Variants in CTNNA2 observed in about 807,000 individuals in gnomAD.
CTNNA2 encodes the protein catenin alpha 2.
Under a neutral mutation model 101.0 loss-of-function variants are expected in CTNNA2, and 42 were observed. The observed-to-expected ratio is 0.42, with a 90% confidence interval of 0.32 to 0.54. CTNNA2 has a LOEUF of 0.54. Ranked by LOEUF, CTNNA2 falls within the 20% of genes least tolerant of loss-of-function variation. CTNNA2 has a pLI of 0.14. For missense variants in CTNNA2, 871 were observed against 1,223.1 expected (o/e 0.71, Z 4.29); for synonymous variants, 450 against 456.4 (o/e 0.99, Z 0.18).
At chr2:79,744,650 G>C (rs1411670471) in intron 3 of CTNNA2, 68 bp downstream of exon 3, 3 of 1,377,070 alleles carry the variant, frequency 2.2e-6, no homozygotes, top group Non-Finnish European at 2.9e-6. Context: ...TTTTTCTTTA[G>C]AATCAATGGA....
chr2:79,437,295 G>C (rs1190862836), intron 4 of CTNNA2, among the ~76,000 whole-genome samples: 1 of 151,804 alleles, frequency 6.6e-6, no homozygotes, highest in Non-Finnish European at 1.5e-5. Context: ...ATATTCTTAA[G>C]AAGAACTTCT....
intron 9 of CTNNA2, among the ~76,000 whole-genome samples, chr2:80,491,147 G>A (rs1687028743): frequency 6.6e-6 from 1 of 152,148 alleles, no homozygotes; most frequent in Non-Finnish European, 1.5e-5. Flanking sequence ...TAACCCTGAG[G>A]TCTGGGCATA....
At chr2:80,280,427 C>T (rs1366213127) in intron 7 of CTNNA2, among the ~76,000 whole-genome samples, 21 of 151,626 alleles carry the variant, frequency 1.4e-4, no homozygotes, top group Admixed American at 1.4e-3. Context: ...ACATAGGCAC[C>T]TACCCTTGAT....
At chr2:79,591,470 G>GA (rs1676840484) in intron 1 of CTNNA2, among the ~76,000 whole-genome samples, 1 of 56,156 alleles carries the variant, frequency 1.8e-5, no homozygotes, top group Non-Finnish European at 4.7e-5. Flanking sequence ...TAACCCTGAG[G>GA]GGGAAAAACA....
intron 7 of CTNNA2, among the ~76,000 whole-genome samples, chr2:80,112,714 G>A (rs1396437990): frequency 6.6e-6 from 1 of 152,100 alleles, no homozygotes; most frequent in African/African-American, 2.4e-5. Context: ...ATCCTTCCCA[G>A]CTTCTCTTTG....
intron 9 of CTNNA2, among the ~76,000 whole-genome samples, chr2:80,457,570 C>T (rs1190280040): frequency 6.6e-6 from 1 of 151,974 alleles, no homozygotes; most frequent in South Asian, 2.1e-4. Flanking sequence ...AATATACAAA[C>T]TCCTTACTAG....
chr2:79,759,895 A>G (rs1672663779), intron 3 of CTNNA2, among the ~76,000 whole-genome samples: 1 of 152,174 alleles, frequency 6.6e-6, no homozygotes, highest in Non-Finnish European at 1.5e-5. Flanking sequence ...GCTTAAATCA[A>G]TAGTGCTAGA....
chr2:80,258,840 G>A lies in CTNNA2; in HGVS notation c.1057-134371G>A, dbSNP rs74772262. On this transcript the variant is annotated intron_variant, in intron 7 of 18. Transcript: ENST00000402739. ...ATATTGAGTTTGGCAGGACTACCAG[G>A]ATTGGCAGGACCTTTGGTGGAAAGG... Among the ~76,000 whole-genome samples, 1,171 of 152,174 alleles carry A rather than the reference G, an allele frequency of 7.7e-3. 17 individuals carry two copies. The highest frequency in any genetic ancestry group is 0.026 in the African/African-American group (1,098 of 41,518).
chr2:80,199,905 C>T (rs576072803), intron 7 of CTNNA2, among the ~76,000 whole-genome samples: 1 of 152,184 alleles, frequency 6.6e-6, no homozygotes, highest in Admixed American at 6.5e-5. Flanking sequence ...TGCCTATGTC[C>T]TGTTCTCTCT....
chr2:80,098,341 G>T (rs566272161), intron 7 of CTNNA2, among the ~76,000 whole-genome samples: 241 of 152,312 alleles, frequency 1.6e-3, no homozygotes, highest in African/African-American at 5.6e-3. Flanking sequence ...AACCGCAAAT[G>T]CTGCTGCCTG....
chr2:79,545,628 TA>T (rs913256635), intron 1 of CTNNA2, among the ~76,000 whole-genome samples: 7 of 151,972 alleles, frequency 4.6e-5, no homozygotes, highest in African/African-American at 1.5e-4. Flanking sequence ...TTTCTTTTTT[TA>T]AAAAAAATAT....
At chr2:79,443,455 A>T (rs1032238643) in intron 4 of CTNNA2, among the ~76,000 whole-genome samples, 1 of 152,088 alleles carries the variant, frequency 6.6e-6, no homozygotes, top group Non-Finnish European at 1.5e-5. Context: ...CACATTGGTG[A>T]GAGTGATTTT....
intron 7 of CTNNA2, among the ~76,000 whole-genome samples, chr2:79,960,358 A>G (rs1301580650): frequency 1.3e-5 from 2 of 152,236 alleles, no homozygotes; most frequent in Non-Finnish European, 2.9e-5. Flanking sequence ...GAAACACAAT[A>G]TTGTTTATAG....
intron 4 of CTNNA2, among the ~76,000 whole-genome samples, chr2:79,404,890 A>G (rs2861843): frequency 2.6e-5 from 4 of 151,926 alleles, no homozygotes; most frequent in Non-Finnish European, 5.9e-5. Flanking sequence ...TAACTTGATT[A>G]TATTTCTTTC....
At chr2:79,762,882 G>A (rs947893236) in intron 3 of CTNNA2, among the ~76,000 whole-genome samples, 4 of 152,136 alleles carry the variant, frequency 2.6e-5, no homozygotes, top group African/African-American at 9.7e-5. Context: ...ATTTTATGGT[G>A]GCGATTTTGA....
At chr2:79,481,794 A>G (rs889815879) in intron 4 of CTNNA2, among the ~76,000 whole-genome samples, 1 of 152,224 alleles carries the variant, frequency 6.6e-6, no homozygotes. Context: ...ATAGACTTTG[A>G]AAAACTTTAA....
chr2:80,107,822 C>T (rs1046141824), intron 7 of CTNNA2, among the ~76,000 whole-genome samples: 1 of 152,218 alleles, frequency 6.6e-6, no homozygotes, highest in African/African-American at 2.4e-5. Context: ...CTGGGCACCA[C>T]CATGGGGCCT....
intron 18 of CTNNA2, among the ~76,000 whole-genome samples, chr2:80,634,626 G>A (rs1457626749): frequency 2.0e-5 from 3 of 152,030 alleles, no homozygotes; most frequent in Non-Finnish European, 4.4e-5. Flanking sequence ...GATCGTTCTC[G>A]CTTCCATTTG....
intron 1 of CTNNA2, among the ~76,000 whole-genome samples, chr2:79,553,737 C>A (rs1160808975): frequency 6.6e-6 from 1 of 152,174 alleles, no homozygotes; most frequent in East Asian, 1.9e-4. Context: ...CCTCTTGATC[C>A]ATTCACCTAC....
Sources: gnomAD v4.1 joint callset for allele counts (sites outside exome capture counted in the v4.1 genomes callset) on GRCh38, gnomAD v4.1.1 for gene constraint, MANE v1.5 for transcripts, NCBI Gene and HGNC (gene_info 2026-07-23, HGNC 2026-07-21) for gene names.